Variants in CSDE1 observed in about 807,000 individuals in gnomAD.
CSDE1 encodes cold shock domain containing E1.
In CSDE1, 17 loss-of-function variants were observed where a neutral mutation model predicts 89.3. The observed-to-expected ratio is 0.19, with a 90% confidence interval of 0.13 to 0.29. The LOEUF (loss-of-function observed/expected upper bound fraction) is 0.29, where lower values mean the gene tolerates loss of function less well. CSDE1 is among the 10% of genes least tolerant of loss of function. CSDE1 has a pLI of 1.00. For synonymous variants in CSDE1, 322 were observed against 332.8 expected (o/e 0.97, Z 0.35); for missense variants, 672 against 984.2 (o/e 0.68, Z 4.24).
chr1:114,744,033 A>G (rs1357295724), intron 2 of CSDE1, among the ~76,000 whole-genome samples: 1 of 152,278 alleles, frequency 6.6e-6, no homozygotes, highest in Non-Finnish European at 1.5e-5. Context: ...CAGCACCATC[A>G]AAAAACAAGC....
chr1:114,729,342 G>A (rs1450516409), intron 12 of CSDE1, among the ~76,000 whole-genome samples: 2 of 151,308 alleles, frequency 1.3e-5, no homozygotes, highest in South Asian at 2.1e-4. Flanking sequence ...CTCGTGATCC[G>A]CCCGCCTCAG....
At position 114,737,578 on chromosome 1, in the gene CSDE1, A is replaced by C; in HGVS notation, c.310-15T>G. ...GCGCACACAACCTACCAGTCAAAAA[A>C]AAAAAAATTTCCATTGCTAATCATT... On this transcript the variant is annotated splice_polypyrimidine_tract_variant and intron_variant, in intron 4 of 19. Coordinates refer to ENST00000358528, the MANE Select transcript of CSDE1 (RefSeq NM_001007553.3). 6.2e-7 allele frequency: 1 copy of C among 1,610,330 alleles called. No homozygotes were observed. The highest frequency in any genetic ancestry group is 1.1e-5 in the South Asian group (1 of 90,940).
Position 114,719,140 on chromosome 1 carries a change from T to C in CSDE1, c.2217-395A>G, listed in dbSNP as rs1315552805. 2.0e-5 allele frequency among the ~76,000 whole-genome samples: 3 copies of C among 152,266 alleles called. No homozygotes were observed. In the South Asian group the frequency reaches 6.2e-4, roughly 32 times the overall value. ...CAGCCTGGGCAAAACAGTGGGACCATGTCTCTACAAAAAATAAAATTGGCT... is the reference window on the plus strand; with the variant it reads ...CAGCCTGGGCAAAACAGTGGGACCACGTCTCTACAAAAAATAAAATTGGCT... On this transcript the variant is annotated intron_variant, in intron 18 of 19. Transcript: ENST00000358528.
intron 12 of CSDE1, among the ~76,000 whole-genome samples, chr1:114,729,702 A>G (rs566408268): frequency 6.6e-6 from 1 of 152,264 alleles, no homozygotes; most frequent in African/African-American, 2.4e-5. Flanking sequence ...TTCAATAGCA[A>G]TATTTTATAT....
Position 114,717,970 on chromosome 1 carries a change from TG to T in CSDE1, c.*198del, listed in dbSNP as rs1659280413. On this transcript the variant is annotated 3_prime_UTR_variant, in exon 20 of 20. Coordinates refer to ENST00000358528, the MANE Select transcript of CSDE1 (RefSeq NM_001007553.3). ...CTTAAGTTTTTCCAGGCTGCAACTGTGCATTATTTAAAATGGTTTTCTTAAA... is the reference window on the plus strand; with the variant it reads ...CTTAAGTTTTTCCAGGCTGCAACTGTCATTATTTAAAATGGTTTTCTTAAA... The T allele has an allele frequency of 7.0e-6, 4 of 570,456 alleles. No individual in the cohort carries two copies. The highest frequency in any genetic ancestry group is 1.2e-5 in the Non-Finnish European group (4 of 330,434). The allele number at this position is 570,456 out of a possible 1,614,324, so 35.3% of individuals were successfully genotyped here.
chr1:114,736,945 G>GC (rs1660437108), intron 5 of CSDE1, 90 bp from the exon 6 acceptor site: 1 of 897,424 alleles, frequency 1.1e-6, no homozygotes. Context: ...TCTTATACTG[G>GC]CATTTTAAGC....
chr1:114,732,483 A>G (rs1660156741), intron 10 of CSDE1, 121 bp downstream of exon 10: 1 of 816,168 alleles, frequency 1.2e-6, no homozygotes, highest in East Asian at 2.6e-5. Context: ...AATCACCTTA[A>G]CAAGGTAAAT....
Position 114,732,447 on chromosome 1 carries a change from G to C in CSDE1, c.1050+157C>G, listed in dbSNP as rs537309399. 5.9e-5 allele frequency among the ~76,000 whole-genome samples: 9 copies of C among 152,206 alleles called. No individual in the cohort carries two copies. In the South Asian group the frequency reaches 1.9e-3, roughly 32 times the overall value. On this transcript the variant is annotated intron_variant, in intron 10 of 19. Coordinates refer to ENST00000358528, the MANE Select transcript of CSDE1 (RefSeq NM_001007553.3). ...CAAGATAACTGCCAGAGATAACCCA[G>C]ACTGACTCAAATGTGTATGATTCTT...
intron 1 of CSDE1, among the ~76,000 whole-genome samples, chr1:114,751,920 C>T (rs1030497125): frequency 1.2e-4 from 19 of 152,196 alleles, no homozygotes; most frequent in African/African-American, 4.6e-4. Flanking sequence ...CGCCAACTTC[C>T]AGTGTGCACA....
At chr1:114,722,175 T>G (rs1052900396) in intron 16 of CSDE1, among the ~76,000 whole-genome samples, 6 of 152,062 alleles carry the variant, frequency 3.9e-5, no homozygotes, top group African/African-American at 1.4e-4. Flanking sequence ...GAGCCCCTAC[T>G]CTCGACCCCA....
chr1:114,734,765 G>A (rs985574739), intron 6 of CSDE1, among the ~76,000 whole-genome samples: 22 of 152,146 alleles, frequency 1.4e-4, no homozygotes, highest in Non-Finnish European at 2.6e-4. Context: ...CTCTGGGACT[G>A]TTGTTGGAAG....
intron 13 of CSDE1, among the ~76,000 whole-genome samples, chr1:114,726,755 C>T (rs1404488679): frequency 6.6e-6 from 1 of 152,192 alleles, no homozygotes; most frequent in Non-Finnish European, 1.5e-5. Context: ...TTTTATTAAG[C>T]ATGTTTTATC....
At chr1:114,725,911 A>G (rs893259022) in intron 14 of CSDE1, among the ~76,000 whole-genome samples, 9 of 152,214 alleles carry the variant, frequency 5.9e-5, no homozygotes, top group African/African-American at 2.2e-4. Context: ...CTGGGATTAT[A>G]GGCATGAGCC....
At chr1:114,724,144 C>A in intron 15 of CSDE1, 142 bp from the exon 16 acceptor site, 1 of 740,374 alleles carries the variant, frequency 1.4e-6, no homozygotes, top group Non-Finnish European at 2.1e-6. Flanking sequence ...AACCTGAAGC[C>A]AAGTTCTATT....
intron 14 of CSDE1, among the ~76,000 whole-genome samples, chr1:114,725,798 G>C (rs530653355): frequency 7.9e-5 from 12 of 152,270 alleles, no homozygotes; most frequent in Admixed American, 5.9e-4. Flanking sequence ...ACCATGTCAG[G>C]CTAATTTTGG....
chr1:114,752,101 C>G (rs144042030), intron 1 of CSDE1, among the ~76,000 whole-genome samples: 2 of 152,096 alleles, frequency 1.3e-5, no homozygotes, highest in Admixed American at 1.3e-4. Context: ...CCCATCTCTA[C>G]TAAAAATACA....
At chr1:114,751,062 T>G (rs1661280683) in intron 1 of CSDE1, among the ~76,000 whole-genome samples, 1 of 152,176 alleles carries the variant, frequency 6.6e-6, no homozygotes, top group Non-Finnish European at 1.5e-5. Context: ...TATGAAGCAT[T>G]TCAACGTGAT....
chr1:114,748,891 G>A (rs994723136), intron 2 of CSDE1, among the ~76,000 whole-genome samples: 1 of 152,140 alleles, frequency 6.6e-6, no homozygotes, highest in South Asian at 2.1e-4. Flanking sequence ...ACTTTTGGGG[G>A]AAAAACCCTT....
In CSDE1 at chr1:114,747,839, C is replaced by T. The variant is rs553150712; in HGVS notation, c.-1+1982G>A. ...CCCCACTGCACTCCAGCCTTGGCGA[C>T]AGAGCAAGACTCTGTCTCAGAGAGG... is the stretch of plus-strand genomic sequence containing the variant. On this transcript the variant is annotated intron_variant, in intron 2 of 19. Coordinates refer to ENST00000358528, the MANE Select transcript of CSDE1 (RefSeq NM_001007553.3). Among the ~76,000 whole-genome samples the T allele has an allele frequency of 2.6e-5, 4 of 151,216 alleles. No individual in the cohort carries two copies. In the East Asian group the frequency reaches 7.8e-4, roughly 29 times the overall value.
Sources: gnomAD v4.1 joint callset for allele counts (sites outside exome capture counted in the v4.1 genomes callset) on GRCh38, gnomAD v4.1.1 for gene constraint, MANE v1.5 for transcripts, NCBI Gene and HGNC (gene_info 2026-07-23, HGNC 2026-07-21) for gene names.